The following ZNF37A variants were observed in gnomAD, a reference collection of about 807,000 sequenced individuals.
The protein encoded by ZNF37A is zinc finger protein 37A.
ZNF37A carries 10 observed loss-of-function variants against 12.3 expected under a neutral mutation model. The ratio of observed to expected loss-of-function variants is 0.82; its 90% CI spans 0.50 to 1.38. The LOEUF is 1.38. Ranked by LOEUF, ZNF37A falls within the 40% of genes most tolerant of loss-of-function variation. The probability of loss-of-function intolerance (pLI) is 0.00; values close to 1 mark genes in which losing one functional copy is unlikely to be tolerated. For synonymous variants in ZNF37A, 207 were observed against 223.0 expected (o/e 0.93, Z 0.64); for missense variants, 580 against 651.2 (o/e 0.89, Z 1.19).
chr10:38,116,689 G>A (rs1345463574), intron 7 of ZNF37A, among the ~76,000 whole-genome samples: 1 of 152,218 alleles, frequency 6.6e-6, no homozygotes. Flanking sequence ...GACAGTTGAT[G>A]AAATAAAGGG....
intron 7 of ZNF37A, chr10:38,143,518 A>G (rs1298134348): frequency 1.3e-5 from 2 of 152,140 alleles, no homozygotes; most frequent in Non-Finnish European, 2.9e-5. Flanking sequence ...GACCCAATCC[A>G]CCCTAATTAC....
Position 38,099,208 on chromosome 10 carries a change from C to T in ZNF37A, c.15+2576C>T, listed in dbSNP as rs185411846. Reference sequence around the variant, plus strand: ...CAGTGTTATGTATGTGTATTCATATCGTACATATAATCTCCAGAACTTTTT... The same window carrying T: ...CAGTGTTATGTATGTGTATTCATATTGTACATATAATCTCCAGAACTTTTT... On this transcript the variant is annotated intron_variant, in intron 5 of 7. Transcript: ENST00000685332. 1.1e-4 allele frequency among the ~76,000 whole-genome samples: 16 copies of T among 152,180 alleles called. No homozygotes were observed. The South Asian group carries it at 1.9e-3, about 18-fold the overall frequency.
At chr10:38,134,985 T>C (rs1172721160) in intron 7 of ZNF37A, among the ~76,000 whole-genome samples, 1 of 152,240 alleles carries the variant, frequency 6.6e-6, no homozygotes, top group Non-Finnish European at 1.5e-5. Flanking sequence ...CACTTACTTA[T>C]ACGTATATTC....
chr10:38,126,828 GC>G (rs140184802), downstream of ZNF37A, among the ~76,000 whole-genome samples: 6,430 of 152,224 alleles, frequency 0.042, 190 homozygotes, highest in Non-Finnish European at 0.06. Flanking sequence ...CCAGGCCGAA[GC>G]TTTTTGCTAA....
chr10:38,118,480 G>A lies in ZNF37A; in HGVS notation c.1329G>A (p.Gln443=). ...GTGAGAAACCTTATGAATGTATTCA[G>A]TGTGGAAAATTTTTCTGCTACTACT... ...HTGEKPYECI[Q]CGKFFCYYSG... Residue 443 remains glutamine (Q), a synonymous_variant, in exon 8 of 8, where the codon CAG becomes CAA. Transcript: ENST00000685332. 6.2e-7 allele frequency: 1 copy of A among 1,613,528 alleles called. No individual in the cohort carries two copies. Among genetic ancestry groups the A allele is most frequent in the Non-Finnish European group, 8.5e-7 (1 of 1,179,904 alleles).
intron 7 of ZNF37A, chr10:38,138,127 T>C (rs2136081482): frequency 6.6e-6 from 1 of 152,320 alleles, no homozygotes; most frequent in Middle Eastern, 3.4e-3. Flanking sequence ...AGCACTGTGG[T>C]CCCACTTTGC....
intron 5 of ZNF37A, among the ~76,000 whole-genome samples, chr10:38,097,757 T>G (rs1247296503): frequency 6.6e-6 from 1 of 151,986 alleles, no homozygotes; most frequent in Non-Finnish European, 1.5e-5. Flanking sequence ...TGCAATAACT[T>G]TCAAGAGATT....
rs1478010082 is a variant in ZNF37A at position 38,122,284 on chromosome 10, A to T, written c.*3447A>T. ...GATGTCATTCAGCAGGTTAATGGAT[A>T]AACTGTGGAACATCCAGAAAACTTT... On this transcript the variant is annotated 3_prime_UTR_variant, in exon 8 of 8. Coordinates refer to ENST00000685332, the MANE Select transcript of ZNF37A (RefSeq NM_001324250.3). 6.6e-6 allele frequency: 1 copy of T among 152,176 alleles called. No homozygotes were observed. The highest frequency in any genetic ancestry group is 1.5e-5 in the Non-Finnish European group (1 of 68,044). The allele number at this position is 152,176 out of a possible 1,614,324, so 9.4% of individuals were successfully genotyped here.
rs1002202452 is a variant in ZNF37A at position 38,124,384 on chromosome 10, A to C, written c.*5547A>C. The C allele has an allele frequency of 6.6e-6, 1 of 152,202 alleles. No individual in the cohort carries two copies. The highest frequency in any genetic ancestry group is 2.4e-5 in the African/African-American group (1 of 41,454). The allele number at this position is 152,202 out of a possible 1,614,324, so 9.4% of individuals were successfully genotyped here. On this transcript the variant is annotated 3_prime_UTR_variant, in exon 8 of 8. Transcript: ENST00000685332. ...GTTAACGGGCACAAAATGTAGAATG[A>C]CTAAGACCTAGTATTTGATAGCACA...
intron 7 of ZNF37A, among the ~76,000 whole-genome samples, chr10:38,133,108 GTA>G (rs1387172271): frequency 6.6e-6 from 1 of 152,036 alleles, no homozygotes; most frequent in Non-Finnish European, 1.5e-5. Context: ...CTATTTGCAT[GTA>G]ATATATTTTA....
chr10:38,114,775 T>G lies in ZNF37A; in HGVS notation c.36T>G (p.Asp12Glu). 1 of 1,614,064 alleles carries G rather than the reference T, an allele frequency of 6.2e-7. No homozygotes were observed. Among genetic ancestry groups the G allele is most frequent in the African/African-American group, 1.3e-5 (1 of 75,022 alleles). Residue 12 changes from aspartate to glutamate, a missense_variant, in exon 6 of 8, where the codon GAT becomes GAG. Physicochemically the swap from Asp to Glu is conservative, Grantham distance 45. Transcript: ENST00000685332. ...TCCAGGGATCAGTGTCGTTTAGGGA[T>G]GTGACTGTGGGCTTCACTCAAGAGG... ...ITSQGSVSFR[D>E]VTVGFTQEEW...
intron 5 of ZNF37A, among the ~76,000 whole-genome samples, chr10:38,100,696 C>T (rs931764294): frequency 6.6e-6 from 1 of 152,150 alleles, no homozygotes; most frequent in African/African-American, 2.4e-5. Flanking sequence ...ACAAGCTCTA[C>T]AATTTGTGCA....
Position 38,118,616 on chromosome 10 carries a change from CAT to C in ZNF37A, c.1469_1470del (p.Ile490LysfsTer8). The C allele has an allele frequency of 1.9e-6, 3 of 1,605,650 alleles. No homozygotes were observed. The highest frequency in any genetic ancestry group is 2.6e-6 in the Non-Finnish European group (3 of 1,174,824). ...AGCCCTAATTGTTCACCAGAGAACT[CAT>C]ATAAGACAGAAACCCTATGGATGTA... ...KSALIVHQRTHIRQKPYGCNQ... is the reference protein window; with the variant it reads ...KSALIVHQRTXIRQKPYGCNQ... On this transcript the variant is annotated frameshift_variant, in exon 8 of 8. Transcript: ENST00000685332. LOFTEE classifies it low-confidence loss of function (END_TRUNC).
At chr10:38,138,781 G>A (rs2070143836) in intron 7 of ZNF37A, 1 of 152,076 alleles carries the variant, frequency 6.6e-6, no homozygotes, top group Non-Finnish European at 1.5e-5. Flanking sequence ...GAATTTTAGA[G>A]TCTTGTCATT....
chr10:38,125,980 C>T (rs1343552527), downstream of ZNF37A, among the ~76,000 whole-genome samples: 1 of 152,040 alleles, frequency 6.6e-6, no homozygotes, highest in Non-Finnish European at 1.5e-5. Flanking sequence ...TTTTAGATGA[C>T]CAGATCTTGG....
intron 5 of ZNF37A, among the ~76,000 whole-genome samples, chr10:38,109,113 C>T (rs1262430092): frequency 5.9e-5 from 9 of 152,166 alleles, no homozygotes; most frequent in African/African-American, 1.2e-4. Context: ...AATCCAGCAG[C>T]GCTTCAAAAA....
Position 38,119,066 on chromosome 10 carries a change from A to G in ZNF37A, c.*229A>G. On this transcript the variant is annotated 3_prime_UTR_variant, in exon 8 of 8. Transcript: ENST00000685332. ...AAAAAACTTATTGGTGAATGAATATAGGAAACATTTTGCCCAATGCCACTC... is the reference window on the plus strand; with the variant it reads ...AAAAAACTTATTGGTGAATGAATATGGGAAACATTTTGCCCAATGCCACTC... 8.2e-7 allele frequency: 1 copy of G among 1,218,570 alleles called. No individual in the cohort carries two copies. The highest frequency in any genetic ancestry group is 1.0e-6 in the Non-Finnish European group (1 of 976,430). The allele number at this position is 1,218,570 out of a possible 1,614,324, so 75.5% of individuals were successfully genotyped here. A position where few individuals can be genotyped will look rare whatever the true frequency, so the allele number is the denominator to read the frequency against.
chr10:38,132,058 C>A (rs1459055773), intron 7 of ZNF37A, among the ~76,000 whole-genome samples: 2 of 152,118 alleles, frequency 1.3e-5, no homozygotes. Context: ...TTCATGTCAT[C>A]TGCAAATAGA....
intron 5 of ZNF37A, among the ~76,000 whole-genome samples, chr10:38,112,569 T>G (rs1297967868): frequency 1.3e-5 from 2 of 151,988 alleles, no homozygotes; most frequent in Non-Finnish European, 2.9e-5. Context: ...CCTTAGCTTT[T>G]TTTTTTTTCT....
Sources: allele counts gnomAD v4.1 joint callset (sites outside exome capture counted in the v4.1 genomes callset), GRCh38; gene constraint gnomAD v4.1.1; transcripts MANE v1.5; gene names NCBI Gene and HGNC (gene_info 2026-07-23, HGNC 2026-07-21).